HMCN1: variants seen among roughly 807,000 people sequenced by gnomAD.
HMCN1 encodes hemicentin 1.
A neutral mutation model predicts 625.9 loss-of-function variants in HMCN1; 321 were observed. The ratio of observed to expected loss-of-function variants is 0.51; its 90% confidence interval spans 0.47 to 0.56. The LOEUF is 0.56. Among genes scored for constraint, HMCN1 ranks in the 20% least tolerant of loss-of-function variants. The probability of loss-of-function intolerance (pLI) is 0.00; values close to 1 mark genes in which losing one functional copy is unlikely to be tolerated. For missense variants in HMCN1, 6,588 were observed against 6,887.3 expected, an observed-to-expected ratio of 0.96 and a Z score of 1.54; for synonymous variants, 2,425 against 2,417.6, an observed-to-expected ratio of 1.00 and a Z score of -0.09.
At chr1:185,889,770 T>TA (rs1436988236) in intron 4 of HMCN1, among the ~76,000 whole-genome samples, 1 of 141,288 alleles carries the variant, frequency 7.1e-6, no homozygotes, top group East Asian at 1.9e-4. Flanking sequence ...TCTAAAATTC[T>TA]CTTTTTTGGT....
chr1:186,038,669 C>T lies in HMCN1; in HGVS notation c.5852-160C>T, dbSNP rs529933581. Reference sequence around the variant, plus strand: ...ATCTTGGTGTTTTTCTAAGGGTTACCTTCTCTTAAAAATCAAAGCTAAAGA... The same window carrying T: ...ATCTTGGTGTTTTTCTAAGGGTTACTTTCTCTTAAAAATCAAAGCTAAAGA... On this transcript the variant is annotated intron_variant, in intron 37 of 106. Coordinates refer to ENST00000271588, the MANE Select transcript of HMCN1 (RefSeq NM_031935.3). 2.9e-3 allele frequency among the ~76,000 whole-genome samples: 443 copies of T among 152,082 alleles called. 1 individual carries two copies. The highest frequency in any genetic ancestry group is 1.0e-2 in the African/African-American group (413 of 41,484).
intron 55 of HMCN1, 138 bp from the exon 56 acceptor site, chr1:186,081,069 A>G: frequency 1.3e-6 from 1 of 787,704 alleles, no homozygotes; most frequent in Admixed American, 1.7e-5. Context: ...ATAAAATGTT[A>G]CCTGGGGATC....
intron 93 of HMCN1, among the ~76,000 whole-genome samples, chr1:186,149,663 G>A (rs2102569463): frequency 6.6e-6 from 1 of 152,206 alleles, no homozygotes; most frequent in South Asian, 2.1e-4. Flanking sequence ...CTAGCTTTTG[G>A]CCTACATCAA....
chr1:185,946,006 A>C (rs1668322202), intron 11 of HMCN1, among the ~76,000 whole-genome samples: 1 of 152,188 alleles, frequency 6.6e-6, no homozygotes, highest in African/African-American at 2.4e-5. Flanking sequence ...GAAAAGGCTA[A>C]AAGCATGGTC....
chr1:185,914,451 C>T (rs1051630519), intron 6 of HMCN1, among the ~76,000 whole-genome samples: 3 of 152,028 alleles, frequency 2.0e-5, no homozygotes, highest in Admixed American at 6.6e-5. Flanking sequence ...ATATGGAGAA[C>T]GATCTATCTA....
At chr1:185,864,368 G>C in intron 2 of HMCN1, 102 bp from the exon 3 acceptor site, 1 of 1,102,824 alleles carries the variant, frequency 9.1e-7, no homozygotes, top group Non-Finnish European at 1.4e-6. Flanking sequence ...AAATAAAAAG[G>C]AAAACTTGCT....
At chr1:185,918,136 C>T (rs1250974339) in intron 6 of HMCN1, among the ~76,000 whole-genome samples, 1 of 152,092 alleles carries the variant, frequency 6.6e-6, no homozygotes, top group Admixed American at 6.5e-5. Context: ...CACAATAGGC[C>T]ATCTGCAAGC....
In HMCN1 at chr1:185,901,176, C is replaced by T. The variant is rs115271723; in HGVS notation, c.622-8161C>T. ...ATGGGGGTTGCACCTTAAGCCAGGA[C>T]GCAATTTGTTAATTACATAGTCACA... On this transcript the variant is annotated intron_variant, in intron 4 of 106. Coordinates refer to ENST00000271588, the MANE Select transcript of HMCN1 (RefSeq NM_031935.3). Among the ~76,000 whole-genome samples the T allele has an allele frequency of 7.6e-3, 1,153 of 151,912 alleles. 8 individuals carry two copies. The highest frequency in any genetic ancestry group is 0.026 in the African/African-American group (1,079 of 41,506).
intron 15 of HMCN1, among the ~76,000 whole-genome samples, chr1:185,971,421 T>C (rs1650821511): frequency 6.6e-6 from 1 of 152,204 alleles, no homozygotes; most frequent in South Asian, 2.1e-4. Flanking sequence ...CTCTTCACAT[T>C]GTAGTCAAAC....
chr1:186,046,896 G>A (rs146277003), intron 41 of HMCN1, among the ~76,000 whole-genome samples: 19 of 152,142 alleles, frequency 1.2e-4, no homozygotes, highest in Non-Finnish European at 2.5e-4. Flanking sequence ...TAACCCAACA[G>A]AGAAATCAAA....
intron 11 of HMCN1, among the ~76,000 whole-genome samples, chr1:185,940,948 G>C (rs1481865452): frequency 6.6e-6 from 1 of 152,102 alleles, no homozygotes; most frequent in Non-Finnish European, 1.5e-5. Flanking sequence ...TTTTAGTAGA[G>C]ACGGGGTTTC....
In HMCN1 at chr1:186,149,105, A is replaced by G. The variant is rs149690477; in HGVS notation, c.14609-2095A>G. 2.2e-3 allele frequency among the ~76,000 whole-genome samples: 329 copies of G among 152,286 alleles called. 5 individuals are homozygous for G. The highest frequency in any genetic ancestry group is 7.4e-3 in the African/African-American group (306 of 41,560). On this transcript the variant is annotated intron_variant, in intron 93 of 106. Coordinates refer to ENST00000271588, the MANE Select transcript of HMCN1 (RefSeq NM_031935.3). ...TTCTTATGGGCCCTAGGATTTTCAC[A>G]ATGAGCATTGACCTCAACTTAAAGT...
At chr1:186,059,710 G>A (rs1657561003) in intron 46 of HMCN1, among the ~76,000 whole-genome samples, 1 of 152,004 alleles carries the variant, frequency 6.6e-6, no homozygotes, top group Non-Finnish European at 1.5e-5. Flanking sequence ...TCTAAAAGCA[G>A]TACTTTGGTG....
chr1:185,901,156 G>T (rs1320205720), intron 4 of HMCN1, among the ~76,000 whole-genome samples: 2 of 151,836 alleles, frequency 1.3e-5, no homozygotes, highest in Non-Finnish European at 3.0e-5. Context: ...TCTAAATGGG[G>T]GTTGCACCTT....
At chr1:185,956,721 C>A (rs1448483839) in intron 11 of HMCN1, among the ~76,000 whole-genome samples, 2 of 152,164 alleles carry the variant, frequency 1.3e-5, no homozygotes, top group Non-Finnish European at 2.9e-5. Context: ...TCTCCTCTCC[C>A]TTCCCTGGAT....
chr1:185,884,653 C>T (rs1664521967), intron 4 of HMCN1, among the ~76,000 whole-genome samples: 1 of 151,936 alleles, frequency 6.6e-6, no homozygotes, highest in Non-Finnish European at 1.5e-5. Flanking sequence ...TTGGCAGTCC[C>T]TCATGAAACA....
chr1:186,108,462 A>G lies in HMCN1; in HGVS notation c.10854A>G (p.Val3618=). 6.2e-7 allele frequency: 1 copy of G among 1,614,050 alleles called. No individual in the cohort carries two copies. Among genetic ancestry groups the G allele is most frequent in the Non-Finnish European group, 8.5e-7 (1 of 1,179,994 alleles). Residue 3618 remains valine, a splice_region_variant and synonymous_variant, in exon 71 of 107, where the codon GTA becomes GTG. Coordinates refer to ENST00000271588, the MANE Select transcript of HMCN1 (RefSeq NM_031935.3). The part of the protein sequence containing the change: ...DDKEYLVRVH[V]PPNIAGTDEP... ...TGTTGTATTTGTTCTCACACCCAGTACCTCCTAATATTGCTGGAACTGATG... is the reference window on the plus strand; with the variant it reads ...TGTTGTATTTGTTCTCACACCCAGTGCCTCCTAATATTGCTGGAACTGATG...
chr1:185,970,271 C>T (rs1650717742), intron 14 of HMCN1, 64 bp from the exon 15 acceptor site: 1 of 1,453,312 alleles, frequency 6.9e-7, no homozygotes, highest in Admixed American at 1.7e-5. Flanking sequence ...GAAATTAAAC[C>T]AATAGCTGCA....
intron 11 of HMCN1, among the ~76,000 whole-genome samples, chr1:185,938,415 A>G (rs1305200859): frequency 1.3e-5 from 2 of 152,198 alleles, no homozygotes; most frequent in Non-Finnish European, 2.9e-5. Flanking sequence ...TTATGCTAAA[A>G]GTTAGATGAT....
Sources: gnomAD v4.1 joint callset for allele counts (sites outside exome capture counted in the v4.1 genomes callset) on GRCh38, gnomAD v4.1.1 for gene constraint, MANE v1.5 for transcripts, NCBI Gene and HGNC (gene_info 2026-07-23, HGNC 2026-07-21) for gene names.